The following CORIN variants were observed in gnomAD, a reference collection of about 807,000 sequenced individuals.
CORIN encodes the protein atrial natriuretic peptide-converting enzyme.
Under a neutral mutation model 125.3 loss-of-function variants are expected in CORIN, and 117 were observed. The ratio of observed to expected loss-of-function variants is 0.93; its 90% CI spans 0.80 to 1.09. The LOEUF is 1.09. Among genes scored for constraint, CORIN ranks in the 50% least tolerant of loss-of-function variants. The probability of loss-of-function intolerance (pLI) is 0.00; values close to 1 mark genes in which losing one functional copy is unlikely to be tolerated. For synonymous variants in CORIN, 450 were observed against 466.4 expected (o/e 0.96, Z 0.45); for missense variants, 1,253 against 1,306.7 (o/e 0.96, Z 0.63).
intron 16 of CORIN, among the ~76,000 whole-genome samples, chr4:47,634,812 G>C (rs1722961945): frequency 6.6e-6 from 1 of 152,164 alleles, no homozygotes; most frequent in African/African-American, 2.4e-5. Flanking sequence ...CATGTACAAA[G>C]AAGGTTGCTC....
At chr4:47,837,794 G>T in intron 1 of CORIN, 93 bp downstream of exon 1, 1 of 1,111,702 alleles carries the variant, frequency 9.0e-7, no homozygotes, top group Non-Finnish European at 1.4e-6. Flanking sequence ...GGGCGGAGGA[G>T]AGGACGGGGG....
At chr4:47,818,413 G>A (rs1732365387) in intron 1 of CORIN, among the ~76,000 whole-genome samples, 1 of 152,126 alleles carries the variant, frequency 6.6e-6, no homozygotes, top group Non-Finnish European at 1.5e-5. Context: ...AGTATGGCTG[G>A]AACCCAAAGA....
Position 47,595,902 on chromosome 4 carries a change from C to A in CORIN, c.2948G>T (p.Gly983Val), listed in dbSNP as rs771047192. 4 of 1,606,940 alleles carry A rather than the reference C, an allele frequency of 2.5e-6. No homozygotes were observed. The highest frequency in any genetic ancestry group is 2.2e-5 in the East Asian group (1 of 44,818). Residue 983 changes from glycine to valine, a missense_variant and splice_region_variant, in exon 22 of 22, where the codon GGT (glycine) becomes GTT (valine). Physicochemically the swap from Gly to Val is moderately radical, Grantham distance 109 (BLOSUM62 -3). Coordinates refer to ENST00000273857, the MANE Select transcript of CORIN (RefSeq NM_006587.4). The part of the protein sequence containing the change: ...YESGTVDSCM[G>V]DSGGPLVCEK... ...ACAAACAAGAGGCCCACCGCTGTCA[C>A]CCTGCAATAAGTAACGATGGGAGTT...
At position 47,751,749 on chromosome 4, in the gene CORIN, C is replaced by T. The variant is rs763235533; in HGVS notation, c.618-7166G>A. On this transcript the variant is annotated intron_variant, in intron 4 of 21. Transcript: ENST00000273857. The stretch of plus-strand genomic sequence containing the variant: ...TGTGTTTATGTCTGGTCCTCTATTA[C>T]GCTAAGTCCCTTGAAGACAGTAGTA... Among the ~76,000 whole-genome samples the T allele has an allele frequency of 6.0e-4, 91 of 152,126 alleles. 1 individual carries two copies. Among genetic ancestry groups the T allele is most frequent in the African/African-American group, 4.1e-4 (17 of 41,428 alleles).
rs755588946 is a variant in CORIN, at chr4:47,665,051, C to G, written c.1570G>C (p.Glu524Gln). Reference protein sequence around the residue: ...LVPKCDVNTGEHIPPCRALCE... With the variant: ...LVPKCDVNTGQHIPPCRALCE... ...TATTACCTGCAAGGAGGGATATGCT[C>G]GCCTGTATTCACATCACATTTTGGT... The change falls in exon 11 of 22, where the codon GAG (glutamate) becomes CAG (glutamine). Residue 524 changes from glutamate to glutamine, a missense_variant. Physicochemically the swap from Glu to Gln is conservative, Grantham distance 29. Coordinates refer to ENST00000273857, the MANE Select transcript of CORIN (RefSeq NM_006587.4). The G allele has an allele frequency of 1.2e-6, 2 of 1,609,916 alleles. No homozygotes were observed. The highest frequency in any genetic ancestry group is 1.7e-6 in the Non-Finnish European group (2 of 1,176,510).
chr4:47,834,736 T>A (rs1389704314), intron 1 of CORIN, among the ~76,000 whole-genome samples: 1 of 152,188 alleles, frequency 6.6e-6, no homozygotes, highest in Non-Finnish European at 1.5e-5. Flanking sequence ...CCTATCACAT[T>A]GTTTACATTA....
At chr4:47,653,214 G>A (rs1723814263) in intron 13 of CORIN, among the ~76,000 whole-genome samples, 1 of 152,074 alleles carries the variant, frequency 6.6e-6, no homozygotes, top group African/African-American at 2.4e-5. Flanking sequence ...CTCTATCATA[G>A]GTACATATGT....
chr4:47,768,705 A>G (rs1729880332), intron 3 of CORIN, among the ~76,000 whole-genome samples: 1 of 152,260 alleles, frequency 6.6e-6, no homozygotes, highest in Non-Finnish European at 1.5e-5. Flanking sequence ...CATCACCTTA[A>G]TAGAATGAAA....
rs1393868642 is a variant in CORIN, at chr4:47,793,764, T to C, written c.209-6839A>G. ...CTTGCTAAGTACAGATATAGGAGTA[T>C]GAAAAGAAGTGAAAGAGATGATCAG... On this transcript the variant is annotated intron_variant, in intron 2 of 21. Transcript: ENST00000273857. Among the ~76,000 whole-genome samples the C allele has an allele frequency of 6.6e-5, 10 of 152,060 alleles. No homozygotes were observed. In the East Asian group the frequency reaches 1.9e-3, roughly 29 times the overall value.
intron 10 of CORIN, among the ~76,000 whole-genome samples, chr4:47,670,435 C>T (rs1724695367): frequency 6.6e-6 from 1 of 152,126 alleles, no homozygotes; most frequent in East Asian, 1.9e-4. Context: ...GGCTTCTCTA[C>T]CACATGACTA....
chr4:47,676,553 C>G (rs570367988), intron 9 of CORIN, among the ~76,000 whole-genome samples: 1 of 152,320 alleles, frequency 6.6e-6, no homozygotes, highest in African/African-American at 2.4e-5. Flanking sequence ...TCGTAGCATG[C>G]CTATGTCCCC....
chr4:47,806,670 A>C (rs147428240), intron 2 of CORIN, among the ~76,000 whole-genome samples: 284 of 152,306 alleles, frequency 1.9e-3, no homozygotes, highest in African/African-American at 6.0e-3. Context: ...CCTGCAACCT[A>C]GTAATCATTC....
chr4:47,741,180 T>C (rs999033152), intron 5 of CORIN, among the ~76,000 whole-genome samples: 9 of 152,024 alleles, frequency 5.9e-5, no homozygotes, highest in African/African-American at 9.7e-5. Flanking sequence ...GAAGATTATA[T>C]AGCTTAAAAG....
chr4:47,626,730 T>C (rs549101780), intron 16 of CORIN, among the ~76,000 whole-genome samples: 1 of 152,328 alleles, frequency 6.6e-6, no homozygotes, highest in South Asian at 2.1e-4. Context: ...GTGTTAGGAT[T>C]ATAATGTGTA....
intron 4 of CORIN, 58 bp from the exon 5 acceptor site, chr4:47,744,641 A>G: frequency 6.9e-7 from 1 of 1,457,720 alleles, no homozygotes. Flanking sequence ...AGGTTTTGAA[A>G]TAATAGTGAA....
intron 3 of CORIN, among the ~76,000 whole-genome samples, chr4:47,785,684 C>G (rs1294581150): frequency 6.6e-6 from 1 of 151,930 alleles, no homozygotes; most frequent in African/African-American, 2.4e-5. Context: ...GAGGCCGAGG[C>G]GGGTGGATCA....
intron 2 of CORIN, among the ~76,000 whole-genome samples, chr4:47,802,779 AAG>A (rs1731602325): frequency 1.3e-5 from 2 of 152,112 alleles, no homozygotes; most frequent in Admixed American, 1.3e-4. Context: ...GGTGGTAGCC[AAG>A]TAGTGGTTAT....
chr4:47,737,750 GA>G (rs1728198185), intron 5 of CORIN, among the ~76,000 whole-genome samples: 1 of 152,168 alleles, frequency 6.6e-6, no homozygotes, highest in African/African-American at 2.4e-5. Context: ...CATGGTCTAA[GA>G]AAGCAGGTGA....
chr4:47,735,643 G>T (rs1560525701), intron 5 of CORIN, among the ~76,000 whole-genome samples: 1 of 152,052 alleles, frequency 6.6e-6, no homozygotes, highest in Non-Finnish European at 1.5e-5. Flanking sequence ...ATAATGGGCT[G>T]GGCATGGTGG....
Sources: gnomAD v4.1 joint callset for allele counts (sites outside exome capture counted in the v4.1 genomes callset) on GRCh38, gnomAD v4.1.1 for gene constraint, MANE v1.5 for transcripts, NCBI Gene and HGNC (gene_info 2026-07-23, HGNC 2026-07-21) for gene names.